MAPK10: variants seen among roughly 807,000 people sequenced by gnomAD.
The protein encoded by MAPK10 is JNK3 alpha protein kinase.
Under a neutral mutation model 59.3 loss-of-function variants are expected in MAPK10, and 25 were observed. The ratio of observed to expected loss-of-function variants is 0.42; its 90% confidence interval spans 0.31 to 0.59. The LOEUF is 0.59. MAPK10 is among the 20% of genes least tolerant of loss of function. The pLI is 0.15. For synonymous variants in MAPK10, 190 were observed against 200.5 expected, an observed-to-expected ratio of 0.95 and a Z score of 0.44; for missense variants, 351 against 568.9, an observed-to-expected ratio of 0.62 and a Z score of 3.90.
At chr4:86,278,309 CAT>C (rs2094660596) in intron 2 of MAPK10, among the ~76,000 whole-genome samples, 1 of 152,158 alleles carries the variant, frequency 6.6e-6, no homozygotes, top group Non-Finnish European at 1.5e-5. Context: ...TGTCCTAGTA[CAT>C]TTTGTATTAG....
chr4:86,090,400 T>A (rs12503688), intron 9 of MAPK10: 1 of 152,126 alleles, frequency 6.6e-6, no homozygotes, highest in East Asian at 1.9e-4. Flanking sequence ...AAACTCAAAG[T>A]TTCCATTGTT....
chr4:86,383,152 T>A (rs1366489186), intron 1 of MAPK10, among the ~76,000 whole-genome samples: 1 of 152,242 alleles, frequency 6.6e-6, no homozygotes, highest in Non-Finnish European at 1.5e-5. Flanking sequence ...TTCCTTCCCA[T>A]GAAGTCTTGT....
chr4:86,522,644 T>C (rs1245613578), intron 1 of MAPK10, among the ~76,000 whole-genome samples: 7 of 152,328 alleles, frequency 4.6e-5, no homozygotes, highest in African/African-American at 1.2e-4. Context: ...GTTCTTTTTG[T>C]TCCCCACCTA....
intron 2 of MAPK10, chr4:86,322,049 T>G (rs760838667): frequency 1.1e-4 from 16 of 152,206 alleles, no homozygotes; most frequent in Non-Finnish European, 1.9e-4. Flanking sequence ...ATAATCAGAT[T>G]AATTTTAAAT....
intron 1 of MAPK10, chr4:86,452,923 G>C (rs776823959): frequency 6.6e-6 from 1 of 152,208 alleles, no homozygotes; most frequent in Admixed American, 6.5e-5. Flanking sequence ...CAAATACTAC[G>C]AGCGCCCAAA....
At chr4:86,224,266 C>A (rs1266185983) in intron 2 of MAPK10, among the ~76,000 whole-genome samples, 2 of 152,056 alleles carry the variant, frequency 1.3e-5, no homozygotes, top group Non-Finnish European at 2.9e-5. Context: ...ATTATCAATG[C>A]CATTTTAAGA....
intron 4 of MAPK10, among the ~76,000 whole-genome samples, chr4:86,136,792 C>G (rs1233164455): frequency 6.6e-6 from 1 of 151,642 alleles, no homozygotes; most frequent in Non-Finnish European, 1.5e-5. Context: ...GGAAACCCAT[C>G]TCACGTGCAG....
At chr4:86,361,200 G>C (rs549474007), upstream of MAPK10, among the ~76,000 whole-genome samples, 12 of 152,266 alleles carry the variant, frequency 7.9e-5, no homozygotes, top group Non-Finnish European at 1.6e-4. Flanking sequence ...TGTAAGAAAC[G>C]CATACGTTTT....
chr4:86,209,070 G>C (rs190359035), intron 2 of MAPK10, among the ~76,000 whole-genome samples: 30 of 152,116 alleles, frequency 2.0e-4, no homozygotes, highest in African/African-American at 7.0e-4. Flanking sequence ...GGTTCCACTT[G>C]TATGTATCTA....
intron 2 of MAPK10, among the ~76,000 whole-genome samples, chr4:86,206,262 T>C (rs911451800): frequency 4.0e-5 from 6 of 151,840 alleles, no homozygotes; most frequent in Non-Finnish European, 8.8e-5. Context: ...GTTCGCATTG[T>C]TCAATTCCCA....
intron 9 of MAPK10, among the ~76,000 whole-genome samples, chr4:86,077,453 A>C (rs2049737297): frequency 6.6e-6 from 1 of 152,174 alleles, no homozygotes; most frequent in African/African-American, 2.4e-5. Context: ...ATTGTGGGTC[A>C]AAATTATGAA....
At chr4:86,161,591 GATGA>G (rs10538012) in intron 3 of MAPK10, among the ~76,000 whole-genome samples, 112,884 of 151,472 alleles carry the variant, frequency 0.75, 43,890 homozygotes, top group East Asian at 0.92. Context: ...TTTAATTTGG[GATGA>G]ATGAAGTGCC....
chr4:86,561,817 AACAG>A (rs1006172984), intron 1 of MAPK10, among the ~76,000 whole-genome samples: 14 of 152,222 alleles, frequency 9.2e-5, no homozygotes, highest in African/African-American at 3.4e-4. Context: ...GCTCCCAGAA[AACAG>A]ACAATCTAGT....
upstream of MAPK10, among the ~76,000 whole-genome samples, chr4:86,362,490 C>A (rs1737174310): frequency 6.6e-6 from 1 of 150,920 alleles, no homozygotes; most frequent in South Asian, 2.1e-4. Context: ...AATGAATAGG[C>A]AAGCCAGAGT....
At position 86,022,158 on chromosome 4, in the gene MAPK10, C is replaced by T. The variant is rs72988022; in HGVS notation, c.1253-4788G>A. On this transcript the variant is annotated intron_variant, in intron 13 of 13. Coordinates refer to ENST00000641462, the MANE Select transcript of MAPK10 (RefSeq NM_138982.4). ...GCGAGGGCTCTGAGGACTGCCAGCA[C>T]GCTCTCACCTCTCAAAACTGTTTTC... Among the ~76,000 whole-genome samples the T allele has an allele frequency of 4.6e-5, 7 of 152,302 alleles. No individual in the cohort carries two copies. In the South Asian group the frequency reaches 6.2e-4, roughly 14 times the overall value.
intron 13 of MAPK10, among the ~76,000 whole-genome samples, chr4:86,019,473 T>C (rs553198634): frequency 1.1e-4 from 16 of 152,182 alleles, no homozygotes; most frequent in Non-Finnish European, 1.9e-4. Context: ...CTTTAATTTA[T>C]TCCAACTTTA....
chr4:86,418,228 T>G (rs975304267), intron 1 of MAPK10, among the ~76,000 whole-genome samples: 1 of 152,184 alleles, frequency 6.6e-6, no homozygotes, highest in African/African-American at 2.4e-5. Flanking sequence ...AGCATGTACC[T>G]AAGAAAAAAC....
intron 2 of MAPK10, among the ~76,000 whole-genome samples, chr4:86,206,800 T>C (rs1377538558): frequency 6.6e-6 from 1 of 152,202 alleles, no homozygotes; most frequent in Non-Finnish European, 1.5e-5. Flanking sequence ...TGGCCAGTGA[T>C]GATGAGCATT....
chr4:86,105,490 G>A (rs1207242402), intron 5 of MAPK10, among the ~76,000 whole-genome samples: 1 of 152,096 alleles, frequency 6.6e-6, no homozygotes, highest in African/African-American at 2.4e-5. Flanking sequence ...GACCAAGTAA[G>A]TGAGCATTTC....
Sources: gnomAD v4.1 joint callset for allele counts (sites outside exome capture counted in the v4.1 genomes callset) on GRCh38, gnomAD v4.1.1 for gene constraint, MANE v1.5 for transcripts, NCBI Gene and HGNC (gene_info 2026-07-23, HGNC 2026-07-21) for gene names.